Variants in OLA1 observed in about 807,000 individuals in gnomAD.
OLA1 encodes obg-like ATPase 1.
In OLA1, 14 loss-of-function variants were observed where a neutral mutation model predicts 48.4. That is an observed-to-expected ratio of 0.29 (90% CI 0.19 to 0.45). OLA1 has a LOEUF of 0.45. OLA1 is among the 20% of genes least tolerant of loss of function. OLA1 has a pLI of 1.00. For missense variants in OLA1, 325 were observed against 467.1 expected, an observed-to-expected ratio of 0.70 and a Z score of 2.80; for synonymous variants, 127 against 150.4, an observed-to-expected ratio of 0.84 and a Z score of 1.14.
chr2:174,226,563 C>G (rs1338908119), intron 3 of OLA1, among the ~76,000 whole-genome samples: 2 of 151,876 alleles, frequency 1.3e-5, no homozygotes, highest in Non-Finnish European at 2.9e-5. Context: ...GTAATGGCGC[C>G]ATCTTGGCTC....
intron 7 of OLA1, among the ~76,000 whole-genome samples, chr2:174,088,155 G>A (rs543388773): frequency 1.2e-4 from 18 of 152,268 alleles, no homozygotes; most frequent in South Asian, 2.1e-4. Flanking sequence ...ATTAAGTAAC[G>A]TAGCATCATT....
intron 5 of OLA1, 32 bp from the exon 6 acceptor site, chr2:174,123,707 A>G (rs757128232): frequency 4.3e-6 from 5 of 1,153,186 alleles, no homozygotes; most frequent in Middle Eastern, 2.3e-4. Context: ...GTAAATATAT[A>G]TGAATAACTA....
At chr2:174,100,653 G>C (rs1014161011) in intron 7 of OLA1, among the ~76,000 whole-genome samples, 1 of 152,046 alleles carries the variant, frequency 6.6e-6, no homozygotes, top group African/African-American at 2.4e-5. Context: ...AATGATCCCC[G>C]CCTCAGCCTC....
rs1684672492 is a variant in OLA1 at position 174,074,261 on chromosome 2, G to A, written c.*1165C>T. 6.6e-6 allele frequency: 1 copy of A among 152,216 alleles called. No individual in the cohort carries two copies. Among genetic ancestry groups the A allele is most frequent in the African/African-American group, 2.4e-5 (1 of 41,408 alleles). 9.4% of individuals were successfully genotyped at this position (152,216 alleles called of 1,614,324 possible). On this transcript the variant is annotated 3_prime_UTR_variant, in exon 11 of 11. Coordinates refer to ENST00000284719, the MANE Select transcript of OLA1 (RefSeq NM_013341.5). ...AAGAGCACAAAAGGGCAGAGGACAA[G>A]GACAAGGAAGGGAGGTCTCACAGGA...
chr2:174,193,356 C>T (rs996393897), intron 4 of OLA1, among the ~76,000 whole-genome samples: 4 of 152,206 alleles, frequency 2.6e-5, no homozygotes, highest in African/African-American at 4.8e-5. Flanking sequence ...TCCCAAAGGG[C>T]TGGGATTACA....
Position 174,103,594 on chromosome 2 carries a change from T to G in OLA1, c.728+19586A>C, listed in dbSNP as rs538489577. Among the ~76,000 whole-genome samples, 30 of 152,292 alleles carry G rather than the reference T, an allele frequency of 2.0e-4. No homozygotes were observed. The South Asian group carries it at 6.2e-3, about 32-fold the overall frequency. On this transcript the variant is annotated intron_variant, in intron 7 of 10. Transcript: ENST00000284719. Reference sequence around the variant, plus strand: ...TTGACTTCAAATCATCCAAATAGTTTATTAATGAAGACTAAAAGTCAGTGT... The same window carrying G: ...TTGACTTCAAATCATCCAAATAGTTGATTAATGAAGACTAAAAGTCAGTGT...
intron 7 of OLA1, among the ~76,000 whole-genome samples, chr2:174,093,548 G>C (rs1312169768): frequency 6.6e-6 from 1 of 151,408 alleles, no homozygotes; most frequent in East Asian, 1.9e-4. Context: ...CTAAATTTAC[G>C]ATCTCTAGAA....
chr2:174,149,646 G>A (rs886820310), intron 4 of OLA1, among the ~76,000 whole-genome samples: 1 of 152,170 alleles, frequency 6.6e-6, no homozygotes, highest in African/African-American at 2.4e-5. Flanking sequence ...ATATTTACGT[G>A]GTGAGATACA....
chr2:174,141,666 T>C (rs1430950646), intron 5 of OLA1, among the ~76,000 whole-genome samples, 159 bp downstream of exon 5: 1 of 150,310 alleles, frequency 6.7e-6, no homozygotes, highest in Non-Finnish European at 1.5e-5. Context: ...CCCTTGGTTG[T>C]TTAAAAATAA....
chr2:174,222,164 G>C (rs1688520135), intron 4 of OLA1, among the ~76,000 whole-genome samples: 1 of 152,114 alleles, frequency 6.6e-6, no homozygotes, highest in Non-Finnish European at 1.5e-5. Flanking sequence ...TTTCTAGCCA[G>C]CTTATGCAAA....
At chr2:174,199,617 T>C (rs1687948444) in intron 4 of OLA1, among the ~76,000 whole-genome samples, 1 of 152,122 alleles carries the variant, frequency 6.6e-6, no homozygotes, top group Admixed American at 6.5e-5. Flanking sequence ...TCACATAAGG[T>C]CTCAAGATTT....
At chr2:174,088,414 T>C (rs1685031344) in intron 7 of OLA1, among the ~76,000 whole-genome samples, 1 of 152,240 alleles carries the variant, frequency 6.6e-6, no homozygotes, top group Non-Finnish European at 1.5e-5. Context: ...TATTAACCTG[T>C]AAACCTGTTA....
At chr2:174,225,667 C>T (rs2105452852) in intron 3 of OLA1, among the ~76,000 whole-genome samples, 1 of 152,250 alleles carries the variant, frequency 6.6e-6, no homozygotes, top group Admixed American at 6.5e-5. Context: ...TACCCAGCCT[C>T]AGGTAACCCT....
At chr2:174,124,233 C>T (rs1225611673) in intron 5 of OLA1, 1 of 151,282 alleles carries the variant, frequency 6.6e-6, no homozygotes, top group Non-Finnish European at 1.5e-5. Flanking sequence ...CCAACTCCCC[C>T]ACCCCCCGAA....
chr2:174,076,372 A>G (rs1486019642), intron 10 of OLA1, among the ~76,000 whole-genome samples: 1 of 152,158 alleles, frequency 6.6e-6, no homozygotes, highest in Non-Finnish European at 1.5e-5. Context: ...ATGGTCCCAC[A>G]TGACCCCACC....
At chr2:174,210,829 T>C (rs546612676) in intron 4 of OLA1, among the ~76,000 whole-genome samples, 120 of 152,306 alleles carry the variant, frequency 7.9e-4, no homozygotes, top group African/African-American at 2.8e-3. Context: ...GACAATAAGA[T>C]TGCTGAAATC....
Position 174,103,407 on chromosome 2 carries a change from G to A in OLA1, c.728+19773C>T, listed in dbSNP as rs140768193. 4.1e-4 allele frequency among the ~76,000 whole-genome samples: 62 copies of A among 152,226 alleles called. 1 individual carries two copies. The East Asian group carries it at 0.01, about 25-fold the overall frequency. On this transcript the variant is annotated intron_variant, in intron 7 of 10. Transcript: ENST00000284719. ...CCCATCTGTTTACACTATTGTCTAT[G>A]GCTGCTTTTGCATTACAATGACAAA...
At chr2:174,163,952 T>C (rs1218020420) in intron 4 of OLA1, among the ~76,000 whole-genome samples, 1 of 151,590 alleles carries the variant, frequency 6.6e-6, no homozygotes, top group African/African-American at 2.4e-5. Flanking sequence ...TCTTGAATTG[T>C]AGTACCCACA....
At chr2:174,218,273 C>A (rs932280023) in intron 4 of OLA1, among the ~76,000 whole-genome samples, 2 of 151,936 alleles carry the variant, frequency 1.3e-5, no homozygotes, top group African/African-American at 2.4e-5. Context: ...AAATAAGTGA[C>A]CCTCCGATAA....
Sources: allele counts gnomAD v4.1 joint callset (sites outside exome capture counted in the v4.1 genomes callset), GRCh38; gene constraint gnomAD v4.1.1; transcripts MANE v1.5; gene names NCBI Gene and HGNC (gene_info 2026-07-23, HGNC 2026-07-21).